DMD: variants seen among roughly 807,000 people sequenced by gnomAD.
The protein encoded by DMD is dystrophin.
Under a neutral mutation model 330.1 loss-of-function variants are expected in DMD, and 63 were observed. That is an observed-to-expected ratio of 0.19 (90% confidence interval 0.16 to 0.24). The LOEUF is 0.24. DMD is among the 10% of genes least tolerant of loss of function. The probability of loss-of-function intolerance (pLI) is 1.00; values close to 1 mark genes in which losing one functional copy is unlikely to be tolerated. For synonymous variants in DMD, 1,223 were observed against 959.8 expected, an observed-to-expected ratio of 1.27 and a Z score of -5.07; for missense variants, 3,344 against 2,684.1, an observed-to-expected ratio of 1.25 and a Z score of -5.43.
At chrX:33,020,223 A>G (rs2093887095) in intron 1 of DMD, 23 bp from the exon 2 acceptor site, 2 of 1,048,563 alleles carry the variant, frequency 1.9e-6, no homozygotes, top group Admixed American at 2.4e-5. Context: ...ATAAAAAAAT[A>G]AAAGTTAGGA....
At chrX:32,942,994 C>T in intron 2 of DMD, among the ~76,000 whole-genome samples, 1 of 111,106 alleles carries the variant, frequency 9.0e-6, no homozygotes, top group Non-Finnish European at 1.9e-5. Context: ...GTTAATAGAA[C>T]AAATACATGG....
chrX:31,436,895 C>T (rs2064568823), intron 60 of DMD, among the ~76,000 whole-genome samples: 1 of 111,862 alleles, frequency 8.9e-6, no homozygotes, highest in South Asian at 3.7e-4. Flanking sequence ...GTGACCTAAC[C>T]TTTTCAAAAA....
chrX:31,726,558 T>G (rs1188973227), intron 52 of DMD, among the ~76,000 whole-genome samples: 1 of 112,435 alleles, frequency 8.9e-6, no homozygotes, highest in Non-Finnish European at 1.9e-5. Context: ...TCTGTCCTTT[T>G]CCTGAAAACC....
At chrX:32,147,956 C>T (rs1478716810) in intron 44 of DMD, among the ~76,000 whole-genome samples, 2 of 104,880 alleles carry the variant, frequency 1.9e-5, no homozygotes. Context: ...CGGCTCACTG[C>T]AACCTCCACC....
At chrX:31,318,547 C>A (rs1053273124) in intron 62 of DMD, among the ~76,000 whole-genome samples, 4 of 112,113 alleles carry the variant, frequency 3.6e-5, no homozygotes, top group Non-Finnish European at 7.5e-5. Flanking sequence ...AACTCAGATG[C>A]AATAAATGGT....
Position 32,868,968 on chromosome X carries a change from A to G in DMD, c.94-19148T>C, listed in dbSNP as rs142448198. On this transcript the variant is annotated intron_variant, in intron 2 of 78. Transcript: ENST00000357033. Reference sequence around the variant, plus strand: ...CTGGGTGAGACCCACCCCCAACAGCAGTCGCTAGACACCTTATACAGGAAG... The same window carrying G: ...CTGGGTGAGACCCACCCCCAACAGCGGTCGCTAGACACCTTATACAGGAAG... Among the ~76,000 whole-genome samples the G allele has an allele frequency of 4.2e-3, 468 of 111,678 alleles. 3 individuals are homozygous for G. The highest frequency in any genetic ancestry group is 7.2e-3 in the Non-Finnish European group (382 of 53,033).
intron 2 of DMD, among the ~76,000 whole-genome samples, chrX:32,921,509 C>A (rs767148356): frequency 9.0e-6 from 1 of 111,348 alleles, no homozygotes; most frequent in African/African-American, 3.3e-5. Context: ...TGTTCTCATA[C>A]CTTCCTGACA....
chrX:32,518,539 A>G lies in DMD; in HGVS notation c.2169-408T>C, dbSNP rs183598179. Among the ~76,000 whole-genome samples, 225 of 111,237 alleles carry G rather than the reference A, an allele frequency of 2.0e-3. 3 individuals carry two copies. The highest frequency in any genetic ancestry group is 6.4e-3 in the African/African-American group (197 of 30,618). On this transcript the variant is annotated intron_variant, in intron 17 of 78. Transcript: ENST00000357033. Reference sequence around the variant, plus strand: ...AACACATGCTTTTCTGTAGTCTCCAATCATACTGCCTCTGGGTTTGGCCAC... The same window carrying G: ...AACACATGCTTTTCTGTAGTCTCCAGTCATACTGCCTCTGGGTTTGGCCAC...
chrX:32,113,632 A>G (rs2096598099), intron 44 of DMD, among the ~76,000 whole-genome samples: 1 of 111,649 alleles, frequency 9.0e-6, no homozygotes, highest in Non-Finnish European at 1.9e-5. Context: ...ACAGAAGACT[A>G]TTATAAAAGT....
At chrX:33,057,496 C>T (rs749971335) in intron 1 of DMD, among the ~76,000 whole-genome samples, 8 of 112,033 alleles carry the variant, frequency 7.1e-5, no homozygotes, top group Admixed American at 3.8e-4. Flanking sequence ...AAGTTGAATG[C>T]GTACTTAATA....
chrX:32,563,342 C>CAAAAAAA (rs745316161), intron 16 of DMD, among the ~76,000 whole-genome samples: 1 of 42,847 alleles, frequency 2.3e-5, no homozygotes, highest in Non-Finnish European at 4.1e-5. Flanking sequence ...GACTCCATCT[C>CAAAAAAA]AAAAAAAAAA....
chrX:31,777,095 T>A (rs1052367947), intron 50 of DMD, among the ~76,000 whole-genome samples: 3 of 111,901 alleles, frequency 2.7e-5, no homozygotes, highest in African/African-American at 9.8e-5. Context: ...TAAAGAAAAG[T>A]CAATGTGCAG....
At chrX:33,268,188 C>T (rs1415107988) in intron 1 of DMD, among the ~76,000 whole-genome samples, 1 of 110,203 alleles carries the variant, frequency 9.1e-6, no homozygotes, top group Non-Finnish European at 1.9e-5. Flanking sequence ...CAGGGTTTTG[C>T]CACGTTGGTC....
In DMD at chrX:32,310,218, G is replaced by A. The variant is rs2097556803; in HGVS notation, c.5981C>T (p.Ser1994Phe). The A allele has an allele frequency of 8.3e-7, 1 of 1,207,569 alleles. No homozygotes were observed. The highest frequency in any genetic ancestry group is 1.8e-5 in the African/African-American group (1 of 57,058). The change falls in exon 42 of 79, where the codon TCT becomes TTT. Residue 1994 changes from serine to phenylalanine, a missense_variant. By Grantham distance (155) the Ser-to-Phe change is radical. Coordinates refer to ENST00000357033, the MANE Select transcript of DMD (RefSeq NM_004006.3). ...VMTEDMPLEISYVPSTYLTEI... is the reference protein window; with the variant it reads ...VMTEDMPLEIFYVPSTYLTEI... Reference sequence around the variant, plus strand: ...AGTCAAATAAGTAGAAGGCACATAAGAAATTTCCAAAGGCATGTCTTCAGT... The same window carrying A: ...AGTCAAATAAGTAGAAGGCACATAAAAAATTTCCAAAGGCATGTCTTCAGT...
intron 43 of DMD, among the ~76,000 whole-genome samples, chrX:32,225,583 T>C (rs765408251): frequency 6.3e-5 from 7 of 111,573 alleles, no homozygotes; most frequent in African/African-American, 1.3e-4. Flanking sequence ...TCCCCAATGT[T>C]GGAGGTGGGG....
chrX:32,532,458 A>G, intron 17 of DMD, among the ~76,000 whole-genome samples: 1 of 112,489 alleles, frequency 8.9e-6, no homozygotes, highest in Non-Finnish European at 1.9e-5. Flanking sequence ...ACCCTAAGCT[A>G]GGCTGTCTGG....
In DMD at chrX:31,441,086, T is replaced by C. The variant is rs191120438; in HGVS notation, c.9084+3395A>G. On this transcript the variant is annotated intron_variant, in intron 60 of 78. Coordinates refer to ENST00000357033, the MANE Select transcript of DMD (RefSeq NM_004006.3). ...CTGATATCAAGTAGACACGGCCTGA[T>C]AGTATGTAACTCTAATCTTTCTATT... Among the ~76,000 whole-genome samples, 373 of 112,765 alleles carry C rather than the reference T, an allele frequency of 3.3e-3. 2 individuals are homozygous for C. Among genetic ancestry groups the C allele is most frequent in the African/African-American group, 0.012 (361 of 31,069 alleles).
intron 1 of DMD, among the ~76,000 whole-genome samples, chrX:33,278,630 C>T (rs2053273927): frequency 9.0e-6 from 1 of 111,668 alleles, no homozygotes; most frequent in South Asian, 3.7e-4. Context: ...GTGAACAGTG[C>T]TGTAATGAAC....
intron 51 of DMD, among the ~76,000 whole-genome samples, chrX:31,744,015 C>T (rs1337698114): frequency 9.0e-6 from 1 of 110,856 alleles, no homozygotes; most frequent in East Asian, 2.8e-4. Context: ...AGCCATGTGC[C>T]ACCATGCCCA....
Sources: gnomAD v4.1 joint callset for allele counts (sites outside exome capture counted in the v4.1 genomes callset) on GRCh38, gnomAD v4.1.1 for gene constraint, MANE v1.5 for transcripts, NCBI Gene and HGNC (gene_info 2026-07-23, HGNC 2026-07-21) for gene names.